ESRRG: variants seen among roughly 807,000 people sequenced by gnomAD.
ESRRG encodes estrogen related receptor gamma.
In ESRRG, 13 loss-of-function variants were observed where a neutral mutation model predicts 44.0. That is an observed-to-expected ratio of 0.30 (90% confidence interval 0.19 to 0.47). The LOEUF (loss-of-function observed/expected upper bound fraction) is 0.47, where lower values mean the gene tolerates loss of function less well. Among genes scored for constraint, ESRRG ranks in the 20% least tolerant of loss-of-function variants. The probability of loss-of-function intolerance (pLI) is 1.00; values close to 1 mark genes in which losing one functional copy is unlikely to be tolerated. For synonymous variants in ESRRG, 215 were observed against 214.6 expected (o/e 1.00, Z -0.02); for missense variants, 395 against 580.6 (o/e 0.68, Z 3.29).
chr1:216,522,641 C>T (rs1558245823), intron 5 of ESRRG, among the ~76,000 whole-genome samples: 1 of 152,006 alleles, frequency 6.6e-6, no homozygotes, highest in Non-Finnish European at 1.5e-5. Context: ...GAAATTTTAT[C>T]TTAATTCCAT....
chr1:217,058,022 G>A (rs1179781427), intron 1 of ESRRG, among the ~76,000 whole-genome samples: 1 of 152,128 alleles, frequency 6.6e-6, no homozygotes, highest in Admixed American at 6.5e-5. Flanking sequence ...AGCGAGGGAA[G>A]AGAAGAAATA....
At chr1:216,967,201 G>T (rs2070612722) in intron 1 of ESRRG, among the ~76,000 whole-genome samples, 1 of 151,916 alleles carries the variant, frequency 6.6e-6, no homozygotes, top group South Asian at 2.1e-4. Flanking sequence ...CCCCACCAGA[G>T]GGGTACATTT....
intron 1 of ESRRG, among the ~76,000 whole-genome samples, chr1:217,018,098 A>G (rs1579559769): frequency 6.6e-6 from 1 of 152,204 alleles, no homozygotes; most frequent in Non-Finnish European, 1.5e-5. Context: ...GAACTAATAA[A>G]CCAACATACA....
intron 2 of ESRRG, among the ~76,000 whole-genome samples, chr1:216,809,078 C>T (rs1006066718): frequency 2.0e-5 from 3 of 152,134 alleles, no homozygotes; most frequent in Non-Finnish European, 4.4e-5. Context: ...AATTTTTGTA[C>T]TACCTCATCA....
intron 1 of ESRRG, among the ~76,000 whole-genome samples, chr1:217,114,773 C>T (rs1357530730): frequency 1.3e-5 from 2 of 150,846 alleles, no homozygotes; most frequent in Non-Finnish European, 2.9e-5. Context: ...TCTCCTGCCT[C>T]AGCCTCCCGA....
chr1:216,927,563 TC>T lies in ESRRG; in HGVS notation c.-14+12018del, dbSNP rs2062762587. ...AACTAGAAAGAAAAAGGATAATACT[TC>T]CAAAAGGCTAACACAATCTTAGGGC... is the stretch of plus-strand genomic sequence containing the variant. On this transcript the variant is annotated intron_variant, in intron 2 of 7. Transcript: ENST00000359162. Among the ~76,000 whole-genome samples the T allele has an allele frequency of 2.0e-5, 3 of 152,224 alleles. No homozygotes were observed. In the South Asian group the frequency reaches 6.2e-4, roughly 32 times the overall value.
intron 2 of ESRRG, among the ~76,000 whole-genome samples, chr1:216,859,863 A>G (rs1577332688): frequency 6.6e-6 from 1 of 152,200 alleles, no homozygotes; most frequent in African/African-American, 2.4e-5. Context: ...CTGGCATCCA[A>G]TCAAAAGTTA....
intron 2 of ESRRG, among the ~76,000 whole-genome samples, chr1:216,757,782 A>ATCTGTACACAGT (rs552489278): frequency 6.6e-6 from 1 of 152,114 alleles, no homozygotes; most frequent in African/African-American, 2.4e-5. Flanking sequence ...AGCCACAGAT[A>ATCTGTACACAGT]TCTGTACACA....
intron 2 of ESRRG, among the ~76,000 whole-genome samples, chr1:216,916,984 G>C (rs80280016): frequency 1.3e-5 from 2 of 149,548 alleles, no homozygotes; most frequent in East Asian, 4.0e-4. Context: ...GCACCGTTCC[G>C]TTCATCTTAC....
intron 1 of ESRRG, among the ~76,000 whole-genome samples, chr1:217,033,532 AG>A (rs2082383435): frequency 6.6e-6 from 1 of 152,232 alleles, no homozygotes; most frequent in Non-Finnish European, 1.5e-5. Flanking sequence ...AGCCCAAAAA[AG>A]ATGTGAAATA....
chr1:216,957,182 T>C (rs1467339147), intron 1 of ESRRG, among the ~76,000 whole-genome samples: 3 of 152,174 alleles, frequency 2.0e-5, no homozygotes, highest in Non-Finnish European at 4.4e-5. Flanking sequence ...TGATTGTTGC[T>C]CACCTCCCAG....
intron 1 of ESRRG, among the ~76,000 whole-genome samples, chr1:217,042,703 C>T (rs535161949): frequency 2.0e-5 from 3 of 151,494 alleles, no homozygotes; most frequent in East Asian, 1.9e-4. Context: ...ATAAACAGTC[C>T]GAGCTAAAAT....
intron 2 of ESRRG, among the ~76,000 whole-genome samples, chr1:216,915,090 A>T (rs2060975998): frequency 6.6e-6 from 1 of 152,194 alleles, no homozygotes; most frequent in Admixed American, 6.5e-5. Context: ...ATCAGTAAAC[A>T]TGGGAGGGTC....
intron 5 of ESRRG, among the ~76,000 whole-genome samples, chr1:216,554,406 A>T (rs1184777520): frequency 6.6e-6 from 1 of 151,828 alleles, no homozygotes; most frequent in African/African-American, 2.4e-5. Flanking sequence ...ATGAGCCAAG[A>T]TCATGCCACT....
intron 2 of ESRRG, among the ~76,000 whole-genome samples, chr1:216,790,263 A>AC (rs2094275462): frequency 6.6e-6 from 1 of 151,950 alleles, no homozygotes; most frequent in South Asian, 2.1e-4. Context: ...GAAACTTATT[A>AC]CCCCCAGGTT....
intron 2 of ESRRG, among the ~76,000 whole-genome samples, chr1:216,812,453 G>GTGTTCA (rs1162849583): frequency 1.3e-5 from 2 of 151,998 alleles, no homozygotes; most frequent in African/African-American, 4.8e-5. Context: ...GCAGAGCTGT[G>GTGTTCA]TGTTCATGTA....
intron 1 of ESRRG, among the ~76,000 whole-genome samples, chr1:216,941,023 A>C (rs555643287): frequency 1.2e-3 from 181 of 152,262 alleles, no homozygotes; most frequent in African/African-American, 4.2e-3. Flanking sequence ...GTCTAGAATC[A>C]AGAAAGGACT....
chr1:217,003,660 A>G (rs2077362668), intron 1 of ESRRG, among the ~76,000 whole-genome samples: 1 of 150,660 alleles, frequency 6.6e-6, no homozygotes, highest in Non-Finnish European at 1.5e-5. Context: ...AGTATTTACA[A>G]TCAGTAATTC....
At chr1:216,769,765 T>C (rs1053354195) in intron 2 of ESRRG, among the ~76,000 whole-genome samples, 1 of 152,050 alleles carries the variant, frequency 6.6e-6, no homozygotes, top group Non-Finnish European at 1.5e-5. Flanking sequence ...AAGTGACTGA[T>C]AATAGAGGTT....
Sources: gnomAD v4.1 joint callset for allele counts (sites outside exome capture counted in the v4.1 genomes callset) on GRCh38, gnomAD v4.1.1 for gene constraint, MANE v1.5 for transcripts, NCBI Gene and HGNC (gene_info 2026-07-23, HGNC 2026-07-21) for gene names.